CENPP: variants seen among roughly 807,000 people sequenced by gnomAD.
The protein encoded by CENPP is centromere protein P.
In CENPP, 24 loss-of-function variants were observed where a neutral mutation model predicts 35.6. The observed-to-expected ratio is 0.67, with a 90% CI of 0.49 to 0.95. CENPP has a LOEUF of 0.95. Ranked by LOEUF, CENPP falls within the 40% of genes least tolerant of loss-of-function variation. The probability of loss-of-function intolerance (pLI) is 0.00; values close to 1 mark genes in which losing one functional copy is unlikely to be tolerated. For synonymous variants in CENPP, 120 were observed against 125.5 expected (o/e 0.96, Z 0.29); for missense variants, 332 against 345.3 (o/e 0.96, Z 0.31).
At chr9:92,341,112 A>C (rs1192313405) in intron 3 of CENPP, among the ~76,000 whole-genome samples, 1 of 151,912 alleles carries the variant, frequency 6.6e-6, no homozygotes, top group Non-Finnish European at 1.5e-5. Context: ...GATGAAATAT[A>C]CTCCAGTCTC....
intron 1 of CENPP, 85 bp downstream of exon 1, chr9:92,326,190 TC>T: frequency 1.2e-6 from 1 of 844,020 alleles, no homozygotes. Flanking sequence ...ATCCTCGGTC[TC>T]CTACTCCCAG....
chr9:92,345,661 A>G (rs760627334), intron 3 of CENPP, 38 bp from the exon 4 acceptor site: 3 of 1,146,450 alleles, frequency 2.6e-6, no homozygotes, highest in Middle Eastern at 2.2e-4. Context: ...TTTGAAGTTT[A>G]CTGTGCTTTG....
intron 5 of CENPP, among the ~76,000 whole-genome samples, chr9:92,573,131 C>T (rs1002704719): frequency 6.6e-6 from 1 of 152,188 alleles, no homozygotes; most frequent in Non-Finnish European, 1.5e-5. Flanking sequence ...AGCTTTGTTC[C>T]CTTGCTGGCG....
At chr9:92,437,358 G>A (rs1429062150) in intron 5 of CENPP, among the ~76,000 whole-genome samples, 1 of 150,246 alleles carries the variant, frequency 6.7e-6, no homozygotes, top group African/African-American at 2.4e-5. Context: ...TATATAGCTT[G>A]TAATATTTTT....
In CENPP at chr9:92,345,228, G is replaced by A. The variant is rs1046485382; in HGVS notation, c.379-471G>A. Among the ~76,000 whole-genome samples, 7 of 151,758 alleles carry A rather than the reference G, an allele frequency of 4.6e-5. No homozygotes were observed. The East Asian group carries it at 1.4e-3, about 30-fold the overall frequency. Reference sequence around the variant, plus strand: ...AGATCGCGCCACCACACTCCAGCCTGGGCGACAGAGCGAGACTGTCTCAAA... The same window carrying A: ...AGATCGCGCCACCACACTCCAGCCTAGGCGACAGAGCGAGACTGTCTCAAA... On this transcript the variant is annotated intron_variant, in intron 3 of 7. Transcript: ENST00000375587.
intron 4 of CENPP, among the ~76,000 whole-genome samples, chr9:92,375,721 TG>T (rs755843504): frequency 2.0e-5 from 3 of 152,212 alleles, no homozygotes; most frequent in Non-Finnish European, 4.4e-5. Context: ...CTCTCTTTAT[TG>T]CCATTTCCTG....
intron 5 of CENPP, among the ~76,000 whole-genome samples, chr9:92,435,566 C>T (rs772691358): frequency 1.3e-5 from 2 of 152,206 alleles, no homozygotes; most frequent in Non-Finnish European, 2.9e-5. Context: ...ACATAAATCT[C>T]TTGCCCTTCC....
At chr9:92,355,403 A>G (rs1386424392) in intron 4 of CENPP, among the ~76,000 whole-genome samples, 2 of 151,838 alleles carry the variant, frequency 1.3e-5, no homozygotes, top group Non-Finnish European at 2.9e-5. Context: ...TTCAGCCACT[A>G]CTTTAATACC....
At chr9:92,325,886 T>G, upstream of CENPP, 2 of 808,164 alleles carry the variant, frequency 2.5e-6, no homozygotes, top group Non-Finnish European at 3.9e-6. Context: ...CCCCTCCGCG[T>G]GAGCTCTGGG....
chr9:92,328,251 C>T (rs1840631068), intron 1 of CENPP, among the ~76,000 whole-genome samples: 1 of 152,082 alleles, frequency 6.6e-6, no homozygotes, highest in South Asian at 2.1e-4. Context: ...TTGGATTTAA[C>T]CGTGAGGTTT....
At chr9:92,352,493 G>GTGTGTC (rs1554753060) in intron 4 of CENPP, among the ~76,000 whole-genome samples, 1 of 88,790 alleles carries the variant, frequency 1.1e-5, no homozygotes, top group African/African-American at 7.4e-5. Flanking sequence ...GTGTGTGTGT[G>GTGTGTC]TGTGTGTGTG....
rs1849808159 is a variant in CENPP, at chr9:92,559,730, GGCTCAAGA to G, written c.565-51582_565-51575del. On this transcript the variant is annotated intron_variant, in intron 5 of 7. Coordinates refer to ENST00000375587, the MANE Select transcript of CENPP (RefSeq NM_001012267.3). ...TGCCAGGGCTGGTCTCGAACTCCTGGGCTCAAGAGATCCTCCTGCCTTAGCCTCCCAAA... is the reference window on the plus strand; with the variant it reads ...TGCCAGGGCTGGTCTCGAACTCCTGGGATCCTCCTGCCTTAGCCTCCCAAA... 2.6e-5 allele frequency among the ~76,000 whole-genome samples: 4 copies of G among 152,060 alleles called. No homozygotes were observed. The South Asian group carries it at 8.3e-4, about 32-fold the overall frequency.
At chr9:92,411,455 C>T (rs560206642) in intron 5 of CENPP, among the ~76,000 whole-genome samples, 22 of 151,860 alleles carry the variant, frequency 1.4e-4, no homozygotes, top group Middle Eastern at 3.4e-3. Context: ...CCACCATGCC[C>T]GGTTACTTTT....
At chr9:92,437,658 G>A (rs541398356) in intron 5 of CENPP, among the ~76,000 whole-genome samples, 4 of 152,160 alleles carry the variant, frequency 2.6e-5, no homozygotes, top group African/African-American at 9.6e-5. Flanking sequence ...GATCCACTCT[G>A]CTTCCCAAAG....
intron 5 of CENPP, chr9:92,505,640 C>T: frequency 6.2e-7 from 1 of 1,608,450 alleles, no homozygotes; most frequent in Non-Finnish European, 8.5e-7. Flanking sequence ...TTGACATTGG[C>T]TTCACTGAGA....
intron 5 of CENPP, among the ~76,000 whole-genome samples, chr9:92,478,287 T>G (rs1391177344): frequency 6.6e-6 from 1 of 152,212 alleles, no homozygotes; most frequent in African/African-American, 2.4e-5. Context: ...TCTCATCTAT[T>G]TCTACCCAAA....
chr9:92,581,487 C>T (rs1334711146), intron 5 of CENPP, among the ~76,000 whole-genome samples: 1 of 152,070 alleles, frequency 6.6e-6, no homozygotes, highest in East Asian at 1.9e-4. Context: ...AATGGATTGG[C>T]TATATTGGCA....
rs1845705188 is a variant in CENPP, at chr9:92,476,105, C to T, written c.564+96246C>T. ...GCAGGAGGGCATCCACTCACCACCA[C>T]AGCAGAGGGCTCCGCAGACCCTAAT... On this transcript the variant is annotated intron_variant, in intron 5 of 7. Coordinates refer to ENST00000375587, the MANE Select transcript of CENPP (RefSeq NM_001012267.3). This position sits in a 1 kb window ranked among gnomAD's most constrained non-coding sequence, Gnocchi z 4.1. Among the ~76,000 whole-genome samples, 1 of 152,216 alleles carries T rather than the reference C, an allele frequency of 6.6e-6. No homozygotes were observed. Among genetic ancestry groups the T allele is most frequent in the Non-Finnish European group, 1.5e-5 (1 of 68,040 alleles).
At chr9:92,491,268 C>T (rs1296120953) in intron 5 of CENPP, among the ~76,000 whole-genome samples, 1 of 152,134 alleles carries the variant, frequency 6.6e-6, no homozygotes, top group African/African-American at 2.4e-5. Flanking sequence ...CCTAATAATA[C>T]CAGATCTGTC....
Sources: allele counts gnomAD v4.1 joint callset (sites outside exome capture counted in the v4.1 genomes callset), GRCh38; gene constraint gnomAD v4.1.1; non-coding constraint Gnocchi (gnomAD v3.1); transcripts MANE v1.5; gene names NCBI Gene and HGNC (gene_info 2026-07-23, HGNC 2026-07-21).